The following RBFOX1 variants were observed in gnomAD, a reference collection of about 807,000 sequenced individuals.
RBFOX1 encodes RNA binding protein fox-1 homolog 1.
RBFOX1 carries 8 observed loss-of-function variants against 57.7 expected under a neutral mutation model. The observed-to-expected ratio is 0.14, with a 90% CI of 0.08 to 0.25. RBFOX1 has a LOEUF of 0.25. Ranked by LOEUF, RBFOX1 falls within the 10% of genes least tolerant of loss-of-function variation. RBFOX1 has a pLI of 1.00. For synonymous variants in RBFOX1, 326 were observed against 222.4 expected, an observed-to-expected ratio of 1.47 and a Z score of -4.15; for missense variants, 611 against 548.5, an observed-to-expected ratio of 1.11 and a Z score of -1.14.
intron 3 of RBFOX1, among the ~76,000 whole-genome samples, chr16:5,759,433 C>T (rs1054449862): frequency 6.6e-6 from 1 of 152,250 alleles, no homozygotes; most frequent in Non-Finnish European, 1.5e-5. Flanking sequence ...CTCCTCACAT[C>T]ATGTGTTGAC....
At chr16:6,843,260 G>A (rs1282839043) in intron 3 of RBFOX1, among the ~76,000 whole-genome samples, 3 of 152,074 alleles carry the variant, frequency 2.0e-5, no homozygotes, top group Non-Finnish European at 2.9e-5. Context: ...TTGGACAGCA[G>A]TATCAAGTTA....
intron 3 of RBFOX1, among the ~76,000 whole-genome samples, chr16:6,660,940 G>C (rs17140862): frequency 0.037 from 5,583 of 152,194 alleles, 255 homozygotes; most frequent in East Asian, 0.1. Flanking sequence ...TGTAGGTCAG[G>C]AAATACAAAT....
chr16:7,362,347 G>C (rs772407090), intron 4 of RBFOX1, among the ~76,000 whole-genome samples: 4 of 150,716 alleles, frequency 2.7e-5, no homozygotes, highest in Non-Finnish European at 5.9e-5. Flanking sequence ...GTTAGTGTAT[G>C]TGTGTTTGTG....
chr16:5,241,217 G>T (rs946811331), intron 1 of RBFOX1, among the ~76,000 whole-genome samples: 3 of 152,176 alleles, frequency 2.0e-5, no homozygotes, highest in Non-Finnish European at 2.9e-5. Flanking sequence ...TGCTCCTGGT[G>T]ACATCCTCAT....
intron 2 of RBFOX1, among the ~76,000 whole-genome samples, chr16:6,534,737 A>G (rs1194088359): frequency 6.6e-6 from 1 of 152,156 alleles, no homozygotes; most frequent in African/African-American, 2.4e-5. Flanking sequence ...AAGAGGGAGA[A>G]GGGAATTTTC....
At chr16:6,245,626 G>C (rs948614620) in intron 1 of RBFOX1, among the ~76,000 whole-genome samples, 3 of 152,196 alleles carry the variant, frequency 2.0e-5, no homozygotes, top group Admixed American at 2.0e-4. Context: ...GTGTGCTAGA[G>C]TAGTGGTAGG....
intron 4 of RBFOX1, among the ~76,000 whole-genome samples, chr16:5,995,337 G>A (rs1458075985): frequency 2.0e-5 from 3 of 152,146 alleles, no homozygotes; most frequent in African/African-American, 7.2e-5. Flanking sequence ...ATAAATACCT[G>A]AATAGGGCAA....
chr16:5,353,334 T>G (rs1410212447), intron 1 of RBFOX1, among the ~76,000 whole-genome samples: 1 of 149,832 alleles, frequency 6.7e-6, no homozygotes, highest in Non-Finnish European at 1.5e-5. Flanking sequence ...GGCAAGATCA[T>G]GCCACTGCAC....
intron 12 of RBFOX1, among the ~76,000 whole-genome samples, chr16:7,663,971 C>A (rs935287330): frequency 1.3e-5 from 2 of 152,190 alleles, no homozygotes; most frequent in African/African-American, 2.4e-5. Flanking sequence ...CTGTCCCCAG[C>A]CCTCTGAAGT....
chr16:5,833,473 C>T (rs565136013), intron 3 of RBFOX1, among the ~76,000 whole-genome samples: 35 of 131,604 alleles, frequency 2.7e-4, no homozygotes, highest in East Asian at 4.3e-4. Flanking sequence ...CCAGCCTGGG[C>T]GACAGAGCGA....
intron 2 of RBFOX1, among the ~76,000 whole-genome samples, chr16:6,620,277 C>G (rs1443054291): frequency 6.6e-6 from 1 of 152,114 alleles, no homozygotes; most frequent in Admixed American, 6.6e-5. Context: ...AGGCAGAAAT[C>G]AAGAAGTTCT....
chr16:5,319,273 A>T (rs2064332935), intron 1 of RBFOX1, among the ~76,000 whole-genome samples: 1 of 152,240 alleles, frequency 6.6e-6, no homozygotes, highest in Admixed American at 6.5e-5. Flanking sequence ...AGTGACCTGT[A>T]GAAGCTGAGA....
rs539340550 is a variant in RBFOX1 at position 6,987,080 on chromosome 16, C to T, written c.-15-64977C>T. Among the ~76,000 whole-genome samples the T allele has an allele frequency of 3.7e-4, 56 of 152,200 alleles. 2 individuals are homozygous for T. In the South Asian group the frequency reaches 7.1e-3, roughly 19 times the overall value. On this transcript the variant is annotated intron_variant, in intron 3 of 15. Transcript: ENST00000550418. ...GCCCTCTTCCTGGGCATCATCCAAG[C>T]GATCTATTAGCAGCTTCCATTTATC...
chr16:5,891,267 G>C (rs988454345), intron 4 of RBFOX1, among the ~76,000 whole-genome samples: 1 of 152,168 alleles, frequency 6.6e-6, no homozygotes, highest in Non-Finnish European at 1.5e-5. Context: ...CCAAGGGCAC[G>C]GGAGGAGCTG....
At position 7,100,421 on chromosome 16, in the gene RBFOX1, A is replaced by C. The variant is rs928302371; in HGVS notation, c.27+48323A>C. 5.3e-5 allele frequency among the ~76,000 whole-genome samples: 8 copies of C among 152,154 alleles called. No individual in the cohort carries two copies. The East Asian group carries it at 1.5e-3, about 29-fold the overall frequency. ...TTTTTGACGTATTTCCTCCTCTTTT[A>C]AAATATCAGTATATTTGAATTTTCA... On this transcript the variant is annotated intron_variant, in intron 4 of 15. Transcript: ENST00000550418.
intron 2 of RBFOX1, among the ~76,000 whole-genome samples, chr16:5,474,187 A>C (rs2069237714): frequency 6.6e-6 from 1 of 152,220 alleles, no homozygotes; most frequent in South Asian, 2.1e-4. Flanking sequence ...CCCATTATTC[A>C]ACTACAGCAT....
intron 1 of RBFOX1, among the ~76,000 whole-genome samples, chr16:5,424,950 TC>T (rs2067489862): frequency 1.4e-5 from 1 of 70,258 alleles, no homozygotes; most frequent in Non-Finnish European, 2.9e-5. Flanking sequence ...TCTTCTTTCT[TC>T]CTTTGTTTCT....
In RBFOX1 at chr16:7,630,751, T is replaced by C. The variant is rs2060817428; in HGVS notation, c.757+68T>C. 7.5e-6 allele frequency: 12 copies of C among 1,596,936 alleles called. No individual in the cohort carries two copies. In the South Asian group the frequency reaches 1.2e-4, roughly 17 times the overall value. On this transcript the variant is annotated intron_variant, in intron 11 of 15. Coordinates refer to ENST00000550418, the MANE Select transcript of RBFOX1 (RefSeq NM_018723.4). ...CTGAGTCCAATCACCTTCCCTGCCATGTAAGTTCTCTCCCCCTCCCTCTGC... is the reference window on the plus strand; with the variant it reads ...CTGAGTCCAATCACCTTCCCTGCCACGTAAGTTCTCTCCCCCTCCCTCTGC...
intron 3 of RBFOX1, among the ~76,000 whole-genome samples, chr16:6,860,582 A>G (rs552604854): frequency 9.8e-4 from 149 of 152,364 alleles, no homozygotes; most frequent in Non-Finnish European, 1.8e-3. Context: ...AAGGAGACAC[A>G]TAGAAGATTC....
Sources: gnomAD v4.1 joint callset for allele counts (sites outside exome capture counted in the v4.1 genomes callset) on GRCh38, gnomAD v4.1.1 for gene constraint, MANE v1.5 for transcripts, NCBI Gene and HGNC (gene_info 2026-07-23, HGNC 2026-07-21) for gene names.